TTC28: variants seen among roughly 807,000 people sequenced by gnomAD.
The protein encoded by TTC28 is tetratricopeptide repeat protein 28.
In TTC28, 61 loss-of-function variants were observed where a neutral mutation model predicts 198.0. The observed-to-expected ratio is 0.31, with a 90% CI of 0.25 to 0.38. TTC28 has a LOEUF of 0.38. Ranked by LOEUF, TTC28 falls within the 10% of genes least tolerant of loss-of-function variation. TTC28 has a pLI of 1.00. For synonymous variants in TTC28, 1,171 were observed against 1,297.8 expected (o/e 0.90, Z 2.10); for missense variants, 2,678 against 3,164.0 (o/e 0.85, Z 3.69).
At chr22:28,163,658 T>C in intron 5 of TTC28, 59 bp from the exon 6 acceptor site, 1 of 1,457,030 alleles carries the variant, frequency 6.9e-7, no homozygotes, top group African/African-American at 1.4e-5. Flanking sequence ...TTTGGTATAT[T>C]TTGGCAGATA....
intron 5 of TTC28, among the ~76,000 whole-genome samples, chr22:28,221,280 A>G (rs1012233920): frequency 6.6e-6 from 1 of 152,160 alleles, no homozygotes; most frequent in African/African-American, 2.4e-5. Context: ...CCAGGAGAAC[A>G]AGGATAGAGT....
chr22:28,411,150 A>T (rs545267141), intron 2 of TTC28, among the ~76,000 whole-genome samples: 171 of 152,318 alleles, frequency 1.1e-3, no homozygotes, highest in African/African-American at 3.8e-3. Context: ...ATTATTTTTT[A>T]AAAAATCGAT....
chr22:28,292,462 G>C (rs2044806888), intron 5 of TTC28, among the ~76,000 whole-genome samples: 1 of 152,134 alleles, frequency 6.6e-6, no homozygotes, highest in Non-Finnish European at 1.5e-5. Context: ...CTGGGCTCAA[G>C]TAATCTGCCC....
At chr22:28,362,209 G>C (rs1195236304) in intron 2 of TTC28, among the ~76,000 whole-genome samples, 3 of 152,008 alleles carry the variant, frequency 2.0e-5, no homozygotes, top group Non-Finnish European at 2.9e-5. Flanking sequence ...CTGAATCATG[G>C]GGGCAAGTCT....
intron 2 of TTC28, among the ~76,000 whole-genome samples, chr22:28,334,698 T>A (rs890575796): frequency 7.2e-5 from 11 of 152,206 alleles, no homozygotes; most frequent in African/African-American, 2.7e-4. Flanking sequence ...TTAATGGGGT[T>A]ATTTTTTTCT....
At chr22:28,071,071 C>T (rs1421591918) in intron 12 of TTC28, among the ~76,000 whole-genome samples, 1 of 151,958 alleles carries the variant, frequency 6.6e-6, no homozygotes, top group Non-Finnish European at 1.5e-5. Flanking sequence ...TGCTGGACAT[C>T]TGGGGGCCAA....
chr22:28,582,411 G>T (rs2146060660), intron 2 of TTC28, among the ~76,000 whole-genome samples: 1 of 152,182 alleles, frequency 6.6e-6, no homozygotes, highest in African/African-American at 2.4e-5. Context: ...AGGAAGACAT[G>T]GCTGGTAACA....
chr22:28,142,046 G>GA (rs1362419929), intron 6 of TTC28, among the ~76,000 whole-genome samples: 1 of 152,168 alleles, frequency 6.6e-6, no homozygotes, highest in Non-Finnish European at 1.5e-5. Context: ...TCAAGAAAAA[G>GA]AAACAGATTA....
At chr22:28,379,353 A>G (rs1216963917) in intron 2 of TTC28, among the ~76,000 whole-genome samples, 1 of 152,224 alleles carries the variant, frequency 6.6e-6, no homozygotes, top group Non-Finnish European at 1.5e-5. Flanking sequence ...CTTATTCACA[A>G]TAACCAAAGG....
At chr22:28,310,418 A>G (rs553652751) in intron 2 of TTC28, among the ~76,000 whole-genome samples, 77 of 152,350 alleles carry the variant, frequency 5.1e-4, no homozygotes, top group Admixed American at 2.0e-3. Flanking sequence ...GAGGGTTGAA[A>G]TAAAAACACT....
intron 2 of TTC28, among the ~76,000 whole-genome samples, chr22:28,318,384 G>C (rs1381478585): frequency 1.3e-5 from 2 of 152,168 alleles, no homozygotes; most frequent in African/African-American, 4.8e-5. Context: ...CACCCAGTAA[G>C]TGCATCCTGA....
At chr22:28,308,266 T>C (rs771923202) in intron 2 of TTC28, among the ~76,000 whole-genome samples, 4 of 152,212 alleles carry the variant, frequency 2.6e-5, no homozygotes, top group Non-Finnish European at 5.9e-5. Context: ...TTTCACTTTT[T>C]AGGTAGTTTC....
intron 12 of TTC28, among the ~76,000 whole-genome samples, chr22:28,030,772 C>T (rs994061569): frequency 2.0e-5 from 3 of 152,246 alleles, no homozygotes; most frequent in African/African-American, 7.2e-5. Flanking sequence ...GTCCTCCCTG[C>T]ACAAGCTGCA....
chr22:28,086,213 T>C (rs867179488), intron 12 of TTC28, among the ~76,000 whole-genome samples: 1,604 of 152,156 alleles, frequency 0.011, 34 homozygotes, highest in African/African-American at 0.036. Flanking sequence ...AATATACATT[T>C]TTTTCAGCAC....
chr22:28,521,683 C>T (rs2048912404), intron 2 of TTC28, among the ~76,000 whole-genome samples: 1 of 152,126 alleles, frequency 6.6e-6, no homozygotes, highest in African/African-American at 2.4e-5. Flanking sequence ...AAATTAGAAA[C>T]TTGAGGGGCC....
At chr22:28,224,929 C>T (rs923381161) in intron 5 of TTC28, among the ~76,000 whole-genome samples, 1 of 152,198 alleles carries the variant, frequency 6.6e-6, no homozygotes, top group Non-Finnish European at 1.5e-5. Flanking sequence ...ATAACTATCA[C>T]TTAGAAATTC....
In TTC28 at chr22:28,240,525, C is replaced by G. The variant is rs376879989; in HGVS notation, c.933+55673G>C. Among the ~76,000 whole-genome samples the G allele has an allele frequency of 1.6e-4, 25 of 152,216 alleles. No homozygotes were observed. In the East Asian group the frequency reaches 1.7e-3, roughly 11 times the overall value. On this transcript the variant is annotated intron_variant, in intron 5 of 22. Coordinates refer to ENST00000397906, the MANE Select transcript of TTC28 (RefSeq NM_001145418.2). ...TACATATGTATATATCTGTATACAT[C>G]TATATACACACAAATACATGTATAC... is the stretch of plus-strand genomic sequence containing the variant.
chr22:28,593,469 C>CTAGG (rs10542907), intron 2 of TTC28, among the ~76,000 whole-genome samples: 13,243 of 148,226 alleles, frequency 0.089, 651 homozygotes, highest in East Asian at 0.22. Flanking sequence ...AGGTAGGTAG[C>CTAGG]TAGGTAGGTA....
chr22:28,567,436 C>CACATAT (rs1364893738), intron 2 of TTC28, among the ~76,000 whole-genome samples: 1 of 137,760 alleles, frequency 7.3e-6, no homozygotes, highest in African/African-American at 2.7e-5. Flanking sequence ...CATATATACA[C>CACATAT]ACATATACAT....
Sources: allele counts gnomAD v4.1 joint callset (sites outside exome capture counted in the v4.1 genomes callset), GRCh38; gene constraint gnomAD v4.1.1; transcripts MANE v1.5; gene names NCBI Gene and HGNC (gene_info 2026-07-23, HGNC 2026-07-21).